TRPC4: variants seen among roughly 807,000 people sequenced by gnomAD.
TRPC4 encodes the protein transient receptor potential cation channel subfamily C member 4, also known as short transient receptor potential channel 4.
A neutral mutation model predicts 99.4 loss-of-function variants in TRPC4; 49 were observed. The observed-to-expected ratio is 0.49, with a 90% confidence interval of 0.39 to 0.63. The LOEUF is 0.63. Among genes scored for constraint, TRPC4 ranks in the 20% least tolerant of loss-of-function variants. TRPC4 has a pLI of 0.00. For synonymous variants in TRPC4, 454 were observed against 425.9 expected (o/e 1.07, Z -0.81); for missense variants, 898 against 1,152.9 (o/e 0.78, Z 3.20).
intron 1 of TRPC4, among the ~76,000 whole-genome samples, chr13:37,788,591 A>G (rs1383088988): frequency 2.0e-5 from 3 of 150,870 alleles, no homozygotes; most frequent in Non-Finnish European, 4.4e-5. Context: ...TCCACCTCCT[A>G]CCTCAACATG....
At chr13:37,744,750 C>T (rs1289407044) in intron 3 of TRPC4, among the ~76,000 whole-genome samples, 1 of 152,054 alleles carries the variant, frequency 6.6e-6, no homozygotes, top group African/African-American at 2.4e-5. Context: ...CATAGCATTT[C>T]CAAGTATTGT....
chr13:37,861,661 G>A (rs1248206867), intron 1 of TRPC4, among the ~76,000 whole-genome samples: 2 of 151,574 alleles, frequency 1.3e-5, no homozygotes, highest in African/African-American at 4.8e-5. Context: ...CCAAGAACGT[G>A]CTGGAGTGCT....
chr13:37,649,690 C>A (rs951850791), intron 8 of TRPC4, among the ~76,000 whole-genome samples: 6 of 126,842 alleles, frequency 4.7e-5, no homozygotes, highest in Admixed American at 4.0e-4. Context: ...CGCGATCATG[C>A]CACTGCACTT....
chr13:37,829,069 A>G (rs1236647020), intron 1 of TRPC4, among the ~76,000 whole-genome samples: 2 of 152,226 alleles, frequency 1.3e-5, no homozygotes, highest in East Asian at 3.8e-4. Context: ...ATGATTTCTT[A>G]CATATGACAA....
intron 2 of TRPC4, among the ~76,000 whole-genome samples, chr13:37,762,538 T>TA (rs1956250431): frequency 6.6e-6 from 1 of 151,494 alleles, no homozygotes; most frequent in Admixed American, 6.6e-5. Context: ...TATGCAGCCA[T>TA]AAAAAATGAT....
intron 7 of TRPC4, among the ~76,000 whole-genome samples, chr13:37,653,253 C>A (rs1952108718): frequency 7.2e-5 from 11 of 152,012 alleles, no homozygotes; most frequent in Admixed American, 7.2e-4. Context: ...AGTAGGTGCA[C>A]AATAAATATT....
chr13:37,758,911 G>T (rs1956158857), intron 2 of TRPC4, among the ~76,000 whole-genome samples: 1 of 151,254 alleles, frequency 6.6e-6, no homozygotes, highest in Admixed American at 6.6e-5. Flanking sequence ...GAATTATGTT[G>T]ATTTTTCTTA....
In TRPC4 at chr13:37,692,253, G is replaced by A. The variant is rs1593524292; in HGVS notation, c.980C>T (p.Ala327Val). 5 of 1,614,116 alleles carry A rather than the reference G, an allele frequency of 3.1e-6. No homozygotes were observed. Among genetic ancestry groups the A allele is most frequent in the Middle Eastern group, 1.6e-4 (1 of 6,062 alleles). The change falls in exon 4 of 11, where the codon GCA (alanine) becomes GTA (valine). Residue 327 changes from alanine to valine, a missense_variant. Physicochemically the swap from Ala to Val is moderately conservative, Grantham distance 64. Around this residue, in one of 3 missense-constraint regions of TRPC4, gnomAD observed 274 missense variants for 454.9 expected, o/e 0.60. Transcript: ENST00000379705. ...EFPGWRRRHW[A>V]VKMVTCFIIG... ...TATGAAACATGTCACCATCTTCACT[G>A]CCCAGTGTCTTCTCCTCCAGCCTGG...
intron 4 of TRPC4, among the ~76,000 whole-genome samples, chr13:37,691,299 T>A (rs1953695789): frequency 1.3e-5 from 2 of 152,044 alleles, no homozygotes; most frequent in Non-Finnish European, 2.9e-5. Context: ...AGAGACGGGG[T>A]TTCACCGTGT....
intron 2 of TRPC4, among the ~76,000 whole-genome samples, chr13:37,749,323 T>C (rs1202983546): frequency 2.0e-5 from 3 of 152,154 alleles, no homozygotes; most frequent in African/African-American, 7.2e-5. Flanking sequence ...ATTTTTAAAT[T>C]ACATAATTAT....
chr13:37,691,965 G>GT (rs1953727267), intron 4 of TRPC4, 34 bp downstream of exon 4: 1 of 1,564,550 alleles, frequency 6.4e-7, no homozygotes, highest in African/African-American at 1.4e-5. Flanking sequence ...GCAGTAACAT[G>GT]TTTTTATTAT....
At position 37,752,346 on chromosome 13, in the gene TRPC4, G is replaced by C. The variant is rs184567125; in HGVS notation, c.379-5891C>G. Among the ~76,000 whole-genome samples, 223 of 151,864 alleles carry C rather than the reference G, an allele frequency of 1.5e-3. 2 individuals carry two copies. The highest frequency in any genetic ancestry group is 4.6e-3 in the African/African-American group (191 of 41,438). On this transcript the variant is annotated intron_variant, in intron 2 of 10. Coordinates refer to ENST00000379705, the MANE Select transcript of TRPC4 (RefSeq NM_016179.4). Reference sequence around the variant, plus strand: ...CTTTTTCTACTTGGCAAAGTGCCTAGCGGATAGTTGGTATTCCACACATGA... The same window carrying C: ...CTTTTTCTACTTGGCAAAGTGCCTACCGGATAGTTGGTATTCCACACATGA...
At chr13:37,701,888 A>T (rs187836037) in intron 3 of TRPC4, among the ~76,000 whole-genome samples, 2 of 152,292 alleles carry the variant, frequency 1.3e-5, no homozygotes, top group East Asian at 3.9e-4. Flanking sequence ...TTATTTGCTC[A>T]TTGTGTTAGT....
At chr13:37,726,078 C>T (rs1330127633) in intron 3 of TRPC4, among the ~76,000 whole-genome samples, 1 of 151,920 alleles carries the variant, frequency 6.6e-6, no homozygotes. Flanking sequence ...CACCTGTTGT[C>T]CCAGCTACTC....
intron 1 of TRPC4, among the ~76,000 whole-genome samples, chr13:37,788,929 T>C (rs956093316): frequency 6.6e-6 from 1 of 152,114 alleles, no homozygotes; most frequent in East Asian, 1.9e-4. Flanking sequence ...TGGGAAGATT[T>C]CAACGGCTCA....
intron 3 of TRPC4, among the ~76,000 whole-genome samples, chr13:37,706,690 C>T (rs1468918466): frequency 6.8e-6 from 1 of 147,150 alleles, no homozygotes. Flanking sequence ...CATGTGTTCT[C>T]ATTGTTCAAT....
chr13:37,825,279 C>T (rs1358553023), intron 1 of TRPC4, among the ~76,000 whole-genome samples: 6 of 151,508 alleles, frequency 4.0e-5, no homozygotes, highest in Non-Finnish European at 5.9e-5. Context: ...TCCTTCAGGT[C>T]TGCTCTGATT....
At chr13:37,708,044 A>G (rs1013741997) in intron 3 of TRPC4, among the ~76,000 whole-genome samples, 3 of 152,068 alleles carry the variant, frequency 2.0e-5, no homozygotes, top group African/African-American at 7.2e-5. Context: ...CTTCAACGCC[A>G]GCACTCTTTC....
Position 37,737,722 on chromosome 13 carries a change from G to T in TRPC4, c.897+8215C>A, listed in dbSNP as rs575064389. Among the ~76,000 whole-genome samples, 3 of 152,146 alleles carry T rather than the reference G, an allele frequency of 2.0e-5. No homozygotes were observed. The South Asian group carries it at 6.2e-4, about 32-fold the overall frequency. On this transcript the variant is annotated intron_variant, in intron 3 of 10. Coordinates refer to ENST00000379705, the MANE Select transcript of TRPC4 (RefSeq NM_016179.4). The stretch of plus-strand genomic sequence containing the variant: ...CTCCAAGGCTCAAGTGATCTGCCTT[G>T]CCTCGGCCTCCCAAAGTGTTGTGAT...
Sources: allele counts gnomAD v4.1 joint callset (sites outside exome capture counted in the v4.1 genomes callset), GRCh38; gene constraint gnomAD v4.1.1; regional missense constraint gnomAD v4.1.1; transcripts MANE v1.5; gene names NCBI Gene and HGNC (gene_info 2026-07-23, HGNC 2026-07-21).